The following ZNF490 variants were observed in gnomAD, a reference collection of about 807,000 sequenced individuals.
ZNF490 encodes zinc finger protein 490.
ZNF490 carries 11 observed loss-of-function variants against 17.7 expected under a neutral mutation model. The ratio of observed to expected loss-of-function variants is 0.62; its 90% CI spans 0.39 to 1.03. ZNF490 has a LOEUF of 1.03. ZNF490 is among the 50% of genes least tolerant of loss of function. The pLI is 0.00. For synonymous variants in ZNF490, 222 were observed against 216.1 expected (o/e 1.03, Z -0.24); for missense variants, 542 against 643.4 (o/e 0.84, Z 1.71).
intron 2 of ZNF490, among the ~76,000 whole-genome samples, chr19:12,587,125 C>CT (rs544385567): frequency 0.036 from 2,476 of 67,908 alleles, 560 homozygotes; most frequent in African/African-American, 0.1. Flanking sequence ...AAGAAATTCG[C>CT]TTTTTTTTTT....
chr19:12,610,003 C>T, intron 1 of ZNF490: 1 of 441,504 alleles, frequency 2.3e-6, no homozygotes, highest in Non-Finnish European at 4.5e-6. Flanking sequence ...AAATGAAAAG[C>T]AATAAAAACA....
chr19:12,581,219 C>CT lies in ZNF490; in HGVS notation c.855dup (p.Ala286SerfsTer22). The stretch of plus-strand genomic sequence containing the variant: ...AGAAAAGGCTGGTAATATATAAAGG[C>CT]TTTTCCACACTGTTTACATTTGTAG... On this transcript the variant is annotated frameshift_variant, in exon 5 of 5. Transcript: ENST00000311437. LOFTEE classifies it low-confidence loss of function (END_TRUNC). The CT allele has an allele frequency of 1.2e-6, 2 of 1,610,778 alleles. No individual in the cohort carries two copies. The highest frequency in any genetic ancestry group is 1.7e-6 in the Non-Finnish European group (2 of 1,177,248).
chr19:12,580,370 A>G lies in ZNF490; in HGVS notation c.*115T>C. 2 of 1,483,008 alleles carry G rather than the reference A, an allele frequency of 1.3e-6. No individual in the cohort carries two copies. The highest frequency in any genetic ancestry group is 1.8e-6 in the Non-Finnish European group (2 of 1,121,828). The allele number at this position is 1,483,008 out of a possible 1,614,324, so 91.9% of individuals were successfully genotyped here. A position where few individuals can be genotyped will look rare whatever the true frequency, so the allele number is the denominator to read the frequency against. ...AGTCACGTCTTCAAAGGGAATTAGG[A>G]CAACTGAAGGCTTAATCACACCGTT... On this transcript the variant is annotated 3_prime_UTR_variant, in exon 5 of 5. Transcript: ENST00000311437.
chr19:12,585,444 GT>G (rs2022799686), intron 2 of ZNF490, among the ~76,000 whole-genome samples: 1 of 92,786 alleles, frequency 1.1e-5, no homozygotes, highest in Admixed American at 1.0e-4. Flanking sequence ...CCACCCTGAA[GT>G]TAGGTAGGCA....
rs2145134918 is a variant in ZNF490 at position 12,577,602 on chromosome 19, A to G, written c.*2883T>C. ...ACCAGGTCCTCCACTGCATCTCCACAGTAGCCGTCACTTCCACTGAGGCCT... is the reference window on the plus strand; with the variant it reads ...ACCAGGTCCTCCACTGCATCTCCACGGTAGCCGTCACTTCCACTGAGGCCT... On this transcript the variant is annotated 3_prime_UTR_variant, in exon 5 of 5. Transcript: ENST00000311437. 2.0e-6 allele frequency: 2 copies of G among 985,486 alleles called. No individual in the cohort carries two copies. The highest frequency in any genetic ancestry group is 2.4e-6 in the Non-Finnish European group (2 of 829,962). The allele number at this position is 985,486 out of a possible 1,614,324, so 61.0% of individuals were successfully genotyped here.
At position 12,610,794 on chromosome 19, in the gene ZNF490, G is replaced by A; in HGVS notation, c.-114C>T. ...CGGAGGGCACCAGTTCCGTCCCACC[G>A]GCGGAAGCGAGATCTGCCTAGCTAC... On this transcript the variant is annotated 5_prime_UTR_variant, in exon 1 of 5. Coordinates refer to ENST00000311437, the MANE Select transcript of ZNF490 (RefSeq NM_020714.3). 1.8e-6 allele frequency: 2 copies of A among 1,123,226 alleles called. No homozygotes were observed. The highest frequency in any genetic ancestry group is 1.3e-6 in the Non-Finnish European group (1 of 755,044). The allele number at this position is 1,123,226 out of a possible 1,614,324, so 69.6% of individuals were successfully genotyped here. A position where few individuals can be genotyped will look rare whatever the true frequency, so the allele number is the denominator to read the frequency against.
intron 3 of ZNF490, 135 bp from the exon 4 acceptor site, chr19:12,583,045 A>ATT (rs142050281): frequency 2.4e-3 from 1,402 of 587,054 alleles, no homozygotes; most frequent in South Asian, 3.0e-3. Flanking sequence ...CTCTTCCCAC[A>ATT]TTTTTTTTTT....
In ZNF490 at chr19:12,577,900, C is replaced by G. The variant is rs2022667537; in HGVS notation, c.*2585G>C. 7.1e-6 allele frequency: 7 copies of G among 985,376 alleles called. No homozygotes were observed. The South Asian group carries it at 3.3e-4, about 46-fold the overall frequency. 61.0% of individuals were successfully genotyped at this position (985,376 alleles called of 1,614,324 possible). A position where few individuals can be genotyped will look rare whatever the true frequency, so the allele number is the denominator to read the frequency against. On this transcript the variant is annotated 3_prime_UTR_variant, in exon 5 of 5. Transcript: ENST00000311437. ...TAAGAAAAGGGGGGACTGACTCCAACAAAGGACAGACCCGACCCCTATCGT... is the reference window on the plus strand; with the variant it reads ...TAAGAAAAGGGGGGACTGACTCCAAGAAAGGACAGACCCGACCCCTATCGT...
rs1451191063 is a variant in ZNF490 at position 12,579,594 on chromosome 19, T to A, written c.*891A>T. 1 of 151,608 alleles carries A rather than the reference T, an allele frequency of 6.6e-6. No homozygotes were observed. Among genetic ancestry groups the A allele is most frequent in the Non-Finnish European group, 1.5e-5 (1 of 67,980 alleles). The allele number at this position is 151,608 out of a possible 1,614,324, so 9.4% of individuals were successfully genotyped here. The stretch of plus-strand genomic sequence containing the variant: ...GGGAGGCCAAGGTGGGTGGATCATT[T>A]GAGGTCAAGAGTTTAAGATCAGCCT... On this transcript the variant is annotated 3_prime_UTR_variant, in exon 5 of 5. Coordinates refer to ENST00000311437, the MANE Select transcript of ZNF490 (RefSeq NM_020714.3).
Position 12,581,734 on chromosome 19 carries a change from A to C in ZNF490, c.351-10T>G. The C allele has an allele frequency of 6.3e-7, 1 of 1,586,146 alleles. No individual in the cohort carries two copies. Among genetic ancestry groups the C allele is most frequent in the South Asian group, 1.1e-5 (1 of 87,996 alleles). On this transcript the variant is annotated splice_polypyrimidine_tract_variant and intron_variant, in intron 4 of 4. Coordinates refer to ENST00000311437, the MANE Select transcript of ZNF490 (RefSeq NM_020714.3). ...TTCAACCATAGGACTTCTGTAAAGA[A>C]TGAGTACCGTATTATTAATAGTTTT...
chr19:12,607,643 T>G (rs1158159191), intron 2 of ZNF490, among the ~76,000 whole-genome samples: 1 of 151,810 alleles, frequency 6.6e-6, no homozygotes, highest in African/African-American at 2.4e-5. Context: ...GACTCACACC[T>G]GTAATCCCTG....
chr19:12,583,624 A>C, intron 2 of ZNF490, 68 bp from the exon 3 acceptor site: 1 of 1,434,580 alleles, frequency 7.0e-7, no homozygotes, highest in Non-Finnish European at 9.3e-7. Flanking sequence ...CCATTCTCAG[A>C]ATTCCTGAGA....
chr19:12,578,474 G>A lies in ZNF490; in HGVS notation c.*2011C>T, dbSNP rs1411323997. On this transcript the variant is annotated 3_prime_UTR_variant, in exon 5 of 5. Transcript: ENST00000311437. ...CAGAGCCACCTGCGGTTGCCACAGA[G>A]AAATTCAGATGTGAATGTTTAAACA... is the stretch of plus-strand genomic sequence containing the variant. The A allele has an allele frequency of 2.0e-6, 2 of 985,472 alleles. No individual in the cohort carries two copies. Among genetic ancestry groups the A allele is most frequent in the Non-Finnish European group, 1.2e-6 (1 of 829,966 alleles). The allele number at this position is 985,472 out of a possible 1,614,324, so 61.0% of individuals were successfully genotyped here. A position where few individuals can be genotyped will look rare whatever the true frequency, so the allele number is the denominator to read the frequency against.
intron 2 of ZNF490, among the ~76,000 whole-genome samples, chr19:12,600,198 TA>T (rs953785241): frequency 1.0e-4 from 15 of 146,174 alleles, no homozygotes; most frequent in Admixed American, 1.4e-4. Context: ...CCGTCTCTAC[TA>T]AAAAAAAAAC....
In ZNF490 at chr19:12,580,423, A is replaced by G; in HGVS notation, c.*62T>C. On this transcript the variant is annotated 3_prime_UTR_variant, in exon 5 of 5. Transcript: ENST00000311437. ...CATTCCTTGAATTTCTCTCCAGCGT[A>G]AGTACTCTCATACATCCAAAAGGAA... 2.0e-6 allele frequency: 3 copies of G among 1,515,224 alleles called. No homozygotes were observed. In the South Asian group the frequency reaches 4.1e-5, roughly 21 times the overall value. 93.9% of individuals were successfully genotyped at this position (1,515,224 alleles called of 1,614,324 possible).
intron 2 of ZNF490, among the ~76,000 whole-genome samples, chr19:12,583,807 A>ATTTTTTTTT (rs1568278640): frequency 8.9e-6 from 1 of 112,410 alleles, no homozygotes; most frequent in African/African-American, 3.7e-5. Context: ...ATATATATAT[A>ATTTTTTTTT]TATATTTTTT....
chr19:12,608,482 TATTTTTG>T (rs2145170604), intron 2 of ZNF490, among the ~76,000 whole-genome samples: 1 of 98,470 alleles, frequency 1.0e-5, no homozygotes, highest in African/African-American at 3.4e-5. Context: ...TTTATTTATT[TATTTTTG>T]AGACAGAGTT....
intron 2 of ZNF490, among the ~76,000 whole-genome samples, chr19:12,592,571 G>A (rs772471838): frequency 9.2e-5 from 14 of 152,034 alleles, no homozygotes; most frequent in Non-Finnish European, 4.4e-5. Flanking sequence ...AAGAGGGAGG[G>A]ACTAATGAAT....
intron 2 of ZNF490, among the ~76,000 whole-genome samples, chr19:12,602,580 A>T (rs1213021992): frequency 6.6e-6 from 1 of 151,202 alleles, no homozygotes; most frequent in Non-Finnish European, 1.5e-5. Flanking sequence ...GTCTTCCTAG[A>T]GGGTAATGGT....
Sources: gnomAD v4.1 joint callset for allele counts (sites outside exome capture counted in the v4.1 genomes callset) on GRCh38, gnomAD v4.1.1 for gene constraint, MANE v1.5 for transcripts, NCBI Gene and HGNC (gene_info 2026-07-23, HGNC 2026-07-21) for gene names.